The following BPTF variants were observed in gnomAD, a reference collection of about 807,000 sequenced individuals.
The protein encoded by BPTF is bromodomain PHD finger transcription factor.
Under a neutral mutation model 292.5 loss-of-function variants are expected in BPTF, and 18 were observed. That is an observed-to-expected ratio of 0.06 (90% CI 0.04 to 0.09). BPTF has a LOEUF of 0.09. Among genes scored for constraint, BPTF ranks in the 10% least tolerant of loss-of-function variants. The pLI is 1.00. For synonymous variants in BPTF, 1,225 were observed against 1,251.9 expected, an observed-to-expected ratio of 0.98 and a Z score of 0.45; for missense variants, 2,726 against 3,498.7, an observed-to-expected ratio of 0.78 and a Z score of 5.57.
At chr17:67,907,904 T>A (rs1442693553) in intron 9 of BPTF, among the ~76,000 whole-genome samples, 2 of 152,214 alleles carry the variant, frequency 1.3e-5, no homozygotes, top group Admixed American at 1.3e-4. Flanking sequence ...CTGTAAGCAG[T>A]AAACAAGGCC....
intron 24 of BPTF, among the ~76,000 whole-genome samples, chr17:67,963,974 T>G (rs2067761013): frequency 6.6e-6 from 1 of 152,238 alleles, no homozygotes; most frequent in East Asian, 1.9e-4. Context: ...TGTTTCATAT[T>G]TATCTTTAAA....
chr17:67,932,258 A>G (rs1460307105), intron 18 of BPTF, among the ~76,000 whole-genome samples: 1 of 152,256 alleles, frequency 6.6e-6, no homozygotes, highest in East Asian at 1.9e-4. Context: ...TAAATAAAAT[A>G]TATAATTGAA....
chr17:67,838,724 C>T (rs192286547), intron 1 of BPTF, among the ~76,000 whole-genome samples: 11 of 152,336 alleles, frequency 7.2e-5, no homozygotes, highest in Admixed American at 7.2e-4. Context: ...AGTCCTTCCT[C>T]CTTGGCTTCC....
intron 2 of BPTF, among the ~76,000 whole-genome samples, chr17:67,857,350 C>T (rs1161204239): frequency 4.0e-5 from 6 of 151,436 alleles, no homozygotes; most frequent in East Asian, 1.9e-4. Flanking sequence ...TTAGTAGAGA[C>T]GGGGTTTCAC....
chr17:67,836,203 C>A (rs2057119486), intron 1 of BPTF, among the ~76,000 whole-genome samples: 1 of 152,124 alleles, frequency 6.6e-6, no homozygotes, highest in Non-Finnish European at 1.5e-5. Flanking sequence ...ATCTATGGAA[C>A]CCCCTGAGAT....
In BPTF at chr17:67,929,455, T is replaced by C. The variant is rs1201248160; in HGVS notation, c.6118T>C (p.Ser2040Pro). The C allele has an allele frequency of 6.2e-7, 1 of 1,614,006 alleles. No homozygotes were observed. Among genetic ancestry groups the C allele is most frequent in the East Asian group, 2.2e-5 (1 of 44,888 alleles). Residue 2040 changes from serine (S) to proline (P), a missense_variant, in exon 17 of 28, where the codon TCA becomes CCA. Ser to Pro is a moderately conservative substitution (Grantham distance 74). Transcript: ENST00000306378. ...TATVTIRPNTSGSGGTTSNSQ... is the reference protein window; with the variant it reads ...TATVTIRPNTPGSGGTTSNSQ... ...AACAGTCACAATTAGGCCCAATACC[T>C]CAGGCTCTGGAGGAACCACAAGCAA...
intron 9 of BPTF, among the ~76,000 whole-genome samples, chr17:67,906,674 A>G (rs1223203612): frequency 6.6e-6 from 1 of 152,176 alleles, no homozygotes; most frequent in East Asian, 1.9e-4. Context: ...TTCTTCAGCC[A>G]GACCTTTCTG....
chr17:67,935,878 G>A (rs750437033), intron 18 of BPTF, among the ~76,000 whole-genome samples: 1 of 152,076 alleles, frequency 6.6e-6, no homozygotes. Context: ...TTTTGTATAG[G>A]TATCCTTGTA....
chr17:67,929,272 G>A (rs776885249), intron 16 of BPTF, 64 bp from the exon 17 acceptor site: 12 of 1,584,098 alleles, frequency 7.6e-6, no homozygotes, highest in Non-Finnish European at 9.5e-6. Flanking sequence ...CTCAGCAACC[G>A]AGCACCACGT....
At chr17:67,929,256 T>A (rs1186077508) in intron 16 of BPTF, 80 bp from the exon 17 acceptor site, 1 of 1,560,442 alleles carries the variant, frequency 6.4e-7, no homozygotes, top group East Asian at 2.3e-5. Context: ...CCACACGTAG[T>A]TTCTCCTCAG....
chr17:67,944,462 T>C (rs1466385441), intron 20 of BPTF, 90 bp downstream of exon 20: 2 of 1,430,082 alleles, frequency 1.4e-6, no homozygotes, highest in Non-Finnish European at 1.9e-6. Context: ...GTATTTACCT[T>C]TGGAAGGATA....
chr17:67,848,082 G>A (rs1355506139), intron 1 of BPTF, among the ~76,000 whole-genome samples: 2 of 152,108 alleles, frequency 1.3e-5, no homozygotes, highest in East Asian at 1.9e-4. Context: ...CAGAAATAAG[G>A]GGACAATGTT....
At chr17:67,880,258 T>C (rs2060313967) in intron 4 of BPTF, among the ~76,000 whole-genome samples, 1 of 152,184 alleles carries the variant, frequency 6.6e-6, no homozygotes, top group Non-Finnish European at 1.5e-5. Context: ...TTGACCTTCT[T>C]TATTGTATGT....
At chr17:67,839,953 T>G (rs897606335) in intron 1 of BPTF, among the ~76,000 whole-genome samples, 1 of 147,908 alleles carries the variant, frequency 6.8e-6, no homozygotes, top group African/African-American at 2.5e-5. Flanking sequence ...ATATTGTCAG[T>G]TTTTTTTTTA....
chr17:67,903,780 A>C lies in BPTF; in HGVS notation c.2544-9A>C, dbSNP rs753482140. The C allele has an allele frequency of 6.5e-7, 1 of 1,529,612 alleles. No individual in the cohort carries two copies. The highest frequency in any genetic ancestry group is 8.7e-7 in the Non-Finnish European group (1 of 1,145,340). The allele number at this position is 1,529,612 out of a possible 1,614,324, so 94.8% of individuals were successfully genotyped here. ...AGTTAACATTGTCTTTCTATGCATGAATTCTTAGGTTACACCGGATGACAT... is the reference window on the plus strand; with the variant it reads ...AGTTAACATTGTCTTTCTATGCATGCATTCTTAGGTTACACCGGATGACAT... On this transcript the variant is annotated splice_polypyrimidine_tract_variant and intron_variant, in intron 7 of 27. Coordinates refer to ENST00000306378, the MANE Select transcript of BPTF (RefSeq NM_182641.4).
chr17:67,834,636 T>C (rs1269741781), intron 1 of BPTF, among the ~76,000 whole-genome samples: 1 of 152,182 alleles, frequency 6.6e-6, no homozygotes, highest in Non-Finnish European at 1.5e-5. Context: ...GAAGGATTAT[T>C]TTATCCTCTT....
chr17:67,872,128 G>GT (rs1467199380), intron 3 of BPTF, among the ~76,000 whole-genome samples: 1 of 152,034 alleles, frequency 6.6e-6, no homozygotes, highest in African/African-American at 2.4e-5. Context: ...GCCCAGCCCT[G>GT]TTTTTGGTCT....
At position 67,929,406 on chromosome 17, in the gene BPTF, T is replaced by C; in HGVS notation, c.6069T>C (p.Phe2023=). ...PSSTGTSQQT[F]TSFQPRTATV... ...GTACAGGTACCAGTCAGCAAACCTT[T>C]ACTTCATTCCAGCCCAGGACAGCAA... The change falls in exon 17 of 28, where the codon TTT becomes TTC. Residue 2023 remains phenylalanine (F), a synonymous_variant. Coordinates refer to ENST00000306378, the MANE Select transcript of BPTF (RefSeq NM_182641.4). 1 of 1,614,136 alleles carries C rather than the reference T, an allele frequency of 6.2e-7. No individual in the cohort carries two copies. The highest frequency in any genetic ancestry group is 8.5e-7 in the Non-Finnish European group (1 of 1,180,014).
At chr17:67,902,197 C>T (rs1164777308) in intron 7 of BPTF, among the ~76,000 whole-genome samples, 5 of 152,212 alleles carry the variant, frequency 3.3e-5, no homozygotes, top group Non-Finnish European at 7.3e-5. Flanking sequence ...ACCAAGAACA[C>T]AACTGAGCAC....
Sources: gnomAD v4.1 joint callset for allele counts (sites outside exome capture counted in the v4.1 genomes callset) on GRCh38, gnomAD v4.1.1 for gene constraint, MANE v1.5 for transcripts, NCBI Gene and HGNC (gene_info 2026-07-23, HGNC 2026-07-21) for gene names.